The following ASXL3 variants were observed in gnomAD, a reference collection of about 807,000 sequenced individuals.
The protein encoded by ASXL3 is putative Polycomb group protein ASXL3.
A neutral mutation model predicts 170.6 loss-of-function variants in ASXL3; 34 were observed. The observed-to-expected ratio is 0.20, with a 90% CI of 0.15 to 0.27. The LOEUF (loss-of-function observed/expected upper bound fraction) is 0.27, where lower values mean the gene tolerates loss of function less well. ASXL3 is among the 10% of genes least tolerant of loss of function. The pLI, the probability that ASXL3 is intolerant of heterozygous loss-of-function variation, is 1.00. For synonymous variants in ASXL3, 1,002 were observed against 989.1 expected (o/e 1.01, Z -0.24); for missense variants, 2,592 against 2,695.3 (o/e 0.96, Z 0.85).
intron 4 of ASXL3, among the ~76,000 whole-genome samples, chr18:33,652,789 T>C (rs1429649198): frequency 2.0e-5 from 3 of 152,008 alleles, no homozygotes; most frequent in Non-Finnish European, 4.4e-5. Flanking sequence ...GTTACTCAGC[T>C]CACTCTTTGT....
intron 5 of ASXL3, among the ~76,000 whole-genome samples, chr18:33,666,808 G>C (rs1192491460): frequency 1.3e-5 from 2 of 152,080 alleles, no homozygotes; most frequent in African/African-American, 4.8e-5. Context: ...CAAGATTTGG[G>C]GTGTGTGTGT....
chr18:33,745,100 C>T lies in ASXL3; in HGVS notation c.5252C>T (p.Thr1751Met), dbSNP rs753874423. The T allele has an allele frequency of 8.7e-6, 14 of 1,613,874 alleles. No homozygotes were observed. In the East Asian group the frequency reaches 1.3e-4, roughly 15 times the overall value. ...SSVEANNPLVTQLLQGNLPLE... is the reference protein window; with the variant it reads ...SSVEANNPLVMQLLQGNLPLE... Reference sequence around the variant, plus strand: ...GTGGAGGCTAACAATCCGCTGGTGACGCAGTTACTACAGGGCAACCTGCCT... The same window carrying T: ...GTGGAGGCTAACAATCCGCTGGTGATGCAGTTACTACAGGGCAACCTGCCT... Residue 1751 changes from threonine to methionine, a missense_variant, in exon 12 of 12, where the codon ACG (threonine) becomes ATG (methionine). By Grantham distance (81) the Thr-to-Met change is moderately conservative. This residue lies in a region of ASXL3 where 2,246 missense variants were observed against 2,219.6 expected (regional missense o/e 1.01). Coordinates refer to ENST00000269197, the MANE Select transcript of ASXL3 (RefSeq NM_030632.3).
In ASXL3 at chr18:33,746,436, C is replaced by T. The variant is rs771069727; in HGVS notation, c.6588C>T (p.Pro2196=). 4.2e-5 allele frequency: 67 copies of T among 1,613,902 alleles called. No homozygotes were observed. The highest frequency in any genetic ancestry group is 6.7e-5 in the African/African-American group (5 of 74,936). The change falls in exon 12 of 12, where the codon CCC becomes CCT. Residue 2196 remains proline, a synonymous_variant. Coordinates refer to ENST00000269197, the MANE Select transcript of ASXL3 (RefSeq NM_030632.3). ...TGLSGQNAQM[P]VQNFADSSNA... The stretch of plus-strand genomic sequence containing the variant: ...TGTCTGGTCAGAACGCTCAGATGCC[C>T]GTTCAGAACTTTGCCGACAGCAGCA...
chr18:33,695,603 A>G (rs2066760821), intron 8 of ASXL3, among the ~76,000 whole-genome samples: 2 of 152,166 alleles, frequency 1.3e-5, no homozygotes, highest in African/African-American at 2.4e-5. Context: ...TATAGACTCA[A>G]TTAAATTACA....
chr18:33,635,632 C>G (rs948588239), intron 2 of ASXL3, among the ~76,000 whole-genome samples: 1 of 152,158 alleles, frequency 6.6e-6, no homozygotes, highest in Non-Finnish European at 1.5e-5. Context: ...ATCTGGCCAG[C>G]CTTACTGGTG....
Position 33,578,647 on chromosome 18 carries a change from A to G in ASXL3, c.16A>G (p.Lys6Glu). ...AGATGCAAACATGAAAGACAAGAGG[A>G]AGAAGAAGGACCGCACCTGGGCCGA... Reference protein sequence around the residue: MKDKRKKKDRTWAEAA... With the variant: MKDKREKKDRTWAEAA... The change falls in exon 1 of 12, where the codon AAG becomes GAG. Residue 6 changes from lysine (K) to glutamate (E), a missense_variant. Physicochemically the swap from Lys to Glu is moderately conservative, Grantham distance 56 (BLOSUM62 1). Transcript: ENST00000269197. 1 of 1,363,378 alleles carries G rather than the reference A, an allele frequency of 7.3e-7. No individual in the cohort carries two copies. The highest frequency in any genetic ancestry group is 1.5e-5 in the South Asian group (1 of 67,082). The allele number at this position is 1,363,378 out of a possible 1,614,324, so 84.5% of individuals were successfully genotyped here.
intron 1 of ASXL3, among the ~76,000 whole-genome samples, chr18:33,601,062 G>A (rs1009305747): frequency 2.6e-5 from 4 of 152,142 alleles, no homozygotes; most frequent in African/African-American, 7.2e-5. Flanking sequence ...ACAGTATGGT[G>A]CAGGCTTTCC....
At chr18:33,623,105 C>T (rs1370924872) in intron 2 of ASXL3, among the ~76,000 whole-genome samples, 1 of 152,134 alleles carries the variant, frequency 6.6e-6, no homozygotes, top group Non-Finnish European at 1.5e-5. Flanking sequence ...TTGCTCTCCA[C>T]CCCCACCTTC....
chr18:33,728,122 C>T (rs1180559876), intron 8 of ASXL3, among the ~76,000 whole-genome samples: 4 of 152,124 alleles, frequency 2.6e-5, no homozygotes, highest in Non-Finnish European at 4.4e-5. Context: ...TGGAACTAAA[C>T]TTCTGTATAT....
intron 8 of ASXL3, among the ~76,000 whole-genome samples, chr18:33,700,037 G>A (rs982183365): frequency 6.6e-6 from 1 of 152,074 alleles, no homozygotes; most frequent in African/African-American, 2.4e-5. Flanking sequence ...AGTTAGAGAA[G>A]AAAGAAGTTG....
At chr18:33,721,588 A>G (rs937916340) in intron 8 of ASXL3, among the ~76,000 whole-genome samples, 3 of 152,084 alleles carry the variant, frequency 2.0e-5, no homozygotes, top group Admixed American at 6.6e-5. Flanking sequence ...TCTACTTTAA[A>G]ACTCCATCAT....
chr18:33,641,194 G>A lies in ASXL3; in HGVS notation c.138-3700G>A, dbSNP rs1484931431. ...CTGTCGGTAAAATTGTGTGTATTCC[G>A]TCAGCAATTTGATAATATAAAGCAA... is the stretch of plus-strand genomic sequence containing the variant. On this transcript the variant is annotated intron_variant, in intron 2 of 11. Coordinates refer to ENST00000269197, the MANE Select transcript of ASXL3 (RefSeq NM_030632.3). 7.2e-5 allele frequency among the ~76,000 whole-genome samples: 11 copies of A among 151,850 alleles called. No homozygotes were observed. The South Asian group carries it at 1.7e-3, about 23-fold the overall frequency.
intron 11 of ASXL3, 74 bp downstream of exon 11, chr18:33,740,517 TAA>T: frequency 7.4e-7 from 1 of 1,356,760 alleles, no homozygotes. Flanking sequence ...TTTTCAAGAG[TAA>T]TTAGATTTTC....
chr18:33,689,550 C>A (rs1379314478), intron 8 of ASXL3, among the ~76,000 whole-genome samples: 1 of 152,170 alleles, frequency 6.6e-6, no homozygotes, highest in Non-Finnish European at 1.5e-5. Context: ...ATGACCTTGA[C>A]ACTTTTGAAT....
chr18:33,588,200 A>G (rs951506524), intron 1 of ASXL3, among the ~76,000 whole-genome samples: 5 of 152,102 alleles, frequency 3.3e-5, no homozygotes, highest in African/African-American at 7.2e-5. Flanking sequence ...GCAGATCGTT[A>G]TCTAGCTTAT....
chr18:33,622,446 T>C (rs2065529720), intron 2 of ASXL3, among the ~76,000 whole-genome samples: 2 of 152,316 alleles, frequency 1.3e-5, no homozygotes, highest in African/African-American at 4.8e-5. Context: ...AGAATCAAGA[T>C]CCAAGAAATT....
intron 1 of ASXL3, among the ~76,000 whole-genome samples, chr18:33,579,624 C>T (rs1215837936): frequency 1.3e-5 from 2 of 151,712 alleles, no homozygotes; most frequent in Non-Finnish European, 2.9e-5. Flanking sequence ...CTTTTTTCTT[C>T]CTATCTTCTT....
chr18:33,684,778 A>AG (rs1179539908), intron 8 of ASXL3, among the ~76,000 whole-genome samples: 1 of 152,148 alleles, frequency 6.6e-6, no homozygotes, highest in East Asian at 1.9e-4. Flanking sequence ...GGTAAGCTTG[A>AG]GGGGAAAAGT....
chr18:33,734,191 A>G, intron 9 of ASXL3, 119 bp from the exon 10 acceptor site: 1 of 549,400 alleles, frequency 1.8e-6, no homozygotes, highest in Non-Finnish European at 3.0e-6. Context: ...TGTTATCATT[A>G]TTTGTCCTTG....
Sources: allele counts gnomAD v4.1 joint callset (sites outside exome capture counted in the v4.1 genomes callset), GRCh38; gene constraint gnomAD v4.1.1; regional missense constraint gnomAD v4.1.1; transcripts MANE v1.5; gene names NCBI Gene and HGNC (gene_info 2026-07-23, HGNC 2026-07-21).